CPNE4: variants seen among roughly 807,000 people sequenced by gnomAD.
CPNE4 encodes copine 4.
Under a neutral mutation model 67.9 loss-of-function variants are expected in CPNE4, and 25 were observed. The observed-to-expected ratio is 0.37, with a 90% CI of 0.27 to 0.51. The LOEUF is 0.51. Ranked by LOEUF, CPNE4 falls within the 20% of genes least tolerant of loss-of-function variation. The pLI is 0.93. For synonymous variants in CPNE4, 242 were observed against 244.9 expected (o/e 0.99, Z 0.11); for missense variants, 464 against 690.8 (o/e 0.67, Z 3.68).
chr3:132,013,222 C>A (rs907368023), intron 1 of CPNE4, among the ~76,000 whole-genome samples: 9 of 152,168 alleles, frequency 5.9e-5, no homozygotes, highest in African/African-American at 2.2e-4. Flanking sequence ...GACTCCATCT[C>A]AAAAATAAAA....
At chr3:131,956,594 T>A (rs1448900335) in intron 1 of CPNE4, among the ~76,000 whole-genome samples, 1 of 104,750 alleles carries the variant, frequency 9.5e-6, no homozygotes, top group African/African-American at 2.9e-5. Flanking sequence ...AAAATGTATA[T>A]GTATGAATTA....
chr3:132,013,569 G>A (rs1423172830), intron 1 of CPNE4, among the ~76,000 whole-genome samples: 1 of 152,176 alleles, frequency 6.6e-6, no homozygotes, highest in Non-Finnish European at 1.5e-5. Context: ...CAGTTCCCCA[G>A]ATTAGACCAT....
intron 1 of CPNE4, among the ~76,000 whole-genome samples, chr3:131,993,236 G>A (rs867680802): frequency 3.0e-5 from 4 of 134,960 alleles, no homozygotes; most frequent in African/African-American, 4.9e-5. Flanking sequence ...TGGCACTAAC[G>A]TTCAAAAGGA....
At chr3:131,793,296 G>A (rs997208060) in intron 2 of CPNE4, among the ~76,000 whole-genome samples, 13 of 152,000 alleles carry the variant, frequency 8.6e-5, no homozygotes, top group Non-Finnish European at 4.4e-5. Context: ...GATCAAGAGG[G>A]AAATTTTAAT....
chr3:131,573,145 T>TC (rs1937420042), intron 10 of CPNE4, among the ~76,000 whole-genome samples: 1 of 152,030 alleles, frequency 6.6e-6, no homozygotes. Flanking sequence ...CTCTTCTGAG[T>TC]CCCCAACCTG....
intron 1 of CPNE4, among the ~76,000 whole-genome samples, chr3:131,952,728 C>T (rs1247942678): frequency 6.6e-6 from 1 of 152,048 alleles, no homozygotes; most frequent in Non-Finnish European, 1.5e-5. Flanking sequence ...GCCACCACCC[C>T]GTCTGGGAGG....
At chr3:131,967,999 C>T (rs1310202867) in intron 1 of CPNE4, among the ~76,000 whole-genome samples, 1 of 152,126 alleles carries the variant, frequency 6.6e-6, no homozygotes, top group African/African-American at 2.4e-5. Flanking sequence ...GGTAATGGTA[C>T]CAAAACACAT....
intron 7 of CPNE4, among the ~76,000 whole-genome samples, chr3:131,622,698 A>G (rs1940539315): frequency 6.6e-6 from 1 of 152,190 alleles, no homozygotes. Context: ...CACAGTGGGG[A>G]ACAGTCCTAT....
intron 2 of CPNE4, among the ~76,000 whole-genome samples, chr3:131,794,921 G>A (rs2083878255): frequency 6.6e-6 from 1 of 152,212 alleles, no homozygotes; most frequent in Admixed American, 6.5e-5. Context: ...AGTCAGCCCA[G>A]AGGAAAGGGT....
intron 6 of CPNE4, among the ~76,000 whole-genome samples, chr3:131,677,708 T>C (rs1019801776): frequency 1.3e-5 from 2 of 152,166 alleles, no homozygotes; most frequent in African/African-American, 4.8e-5. Flanking sequence ...CCATTGCTTG[T>C]TTTTGTCAGG....
chr3:131,638,432 T>C (rs918946640), intron 7 of CPNE4, among the ~76,000 whole-genome samples: 13 of 152,050 alleles, frequency 8.5e-5, no homozygotes, highest in Non-Finnish European at 1.8e-4. Context: ...AAAGAGGTGA[T>C]AGTATAATGA....
chr3:131,975,569 C>CGG (rs2072627623), intron 1 of CPNE4, among the ~76,000 whole-genome samples: 1 of 152,150 alleles, frequency 6.6e-6, no homozygotes, highest in Non-Finnish European at 1.5e-5. Context: ...GAAATCTACC[C>CGG]ACACTGCTTC....
intron 2 of CPNE4, among the ~76,000 whole-genome samples, chr3:131,880,988 T>C (rs1004577541): frequency 2.4e-4 from 37 of 152,338 alleles, no homozygotes; most frequent in South Asian, 6.2e-4. Flanking sequence ...GACTTAGTGC[T>C]ATCAGCCTGG....
intron 1 of CPNE4, among the ~76,000 whole-genome samples, chr3:131,914,971 T>C (rs1415003195): frequency 6.6e-6 from 1 of 152,116 alleles, no homozygotes; most frequent in Non-Finnish European, 1.5e-5. Flanking sequence ...AGTGAAATTC[T>C]GTCTCAAAAT....
chr3:131,578,284 G>C (rs1362127232), intron 9 of CPNE4, among the ~76,000 whole-genome samples: 5 of 152,058 alleles, frequency 3.3e-5, no homozygotes, highest in Admixed American at 1.3e-4. Flanking sequence ...TGATGTTACT[G>C]TTGTAATTAT....
intron 7 of CPNE4, among the ~76,000 whole-genome samples, chr3:131,650,921 CT>C (rs1390549776): frequency 6.6e-6 from 1 of 152,064 alleles, no homozygotes; most frequent in African/African-American, 2.4e-5. Flanking sequence ...AACCACATCT[CT>C]TTTTCCCACT....
intron 2 of CPNE4, among the ~76,000 whole-genome samples, chr3:131,861,854 C>G (rs2086702845): frequency 6.6e-6 from 1 of 152,074 alleles, no homozygotes; most frequent in Admixed American, 6.5e-5. Flanking sequence ...TAAAAATGGG[C>G]AAGCTTTGGC....
At position 131,942,461 on chromosome 3, in the gene CPNE4, TGTGAGAGAGAGAGAGA is replaced by T. The variant is rs747143008; in HGVS notation, c.-1-37033_-1-37018del. Among the ~76,000 whole-genome samples, 247 of 57,590 alleles carry T rather than the reference TGTGAGAGAGAGAGAGA, an allele frequency of 4.3e-3. 1 individual carries two copies. Among genetic ancestry groups the T allele is most frequent in the Admixed American group, 0.019 (87 of 4,646 alleles). The allele number at this position is 57,590 out of a possible 152,430, so 37.8% of individuals were successfully genotyped here. The stretch of plus-strand genomic sequence containing the variant: ...GTGTGTGTGTGTGTGTGTGTGTGTG[TGTGAGAGAGAGAGAGA>T]GAGAGAGAGAGAGAGAGAGAGAGAG... On this transcript the variant is annotated intron_variant, in intron 1 of 15. Transcript: ENST00000429747.
chr3:131,676,472 C>T (rs906026397), intron 6 of CPNE4, among the ~76,000 whole-genome samples: 2 of 152,116 alleles, frequency 1.3e-5, no homozygotes, highest in Non-Finnish European at 2.9e-5. Flanking sequence ...TAGATTATTT[C>T]ATCACCCAGG....
Sources: allele counts gnomAD v4.1 joint callset (sites outside exome capture counted in the v4.1 genomes callset), GRCh38; gene constraint gnomAD v4.1.1; transcripts MANE v1.5; gene names NCBI Gene and HGNC (gene_info 2026-07-23, HGNC 2026-07-21).